ACER2: variants seen among roughly 807,000 people sequenced by gnomAD.
The protein encoded by ACER2 is alkCDase 2.
Under a neutral mutation model 34.7 loss-of-function variants are expected in ACER2, and 26 were observed. The ratio of observed to expected loss-of-function variants is 0.75; its 90% CI spans 0.55 to 1.04. The LOEUF is 1.04. ACER2 is among the 50% of genes least tolerant of loss of function. The pLI, the probability that ACER2 is intolerant of heterozygous loss-of-function variation, is 0.00. For synonymous variants in ACER2, 138 were observed against 132.1 expected, an observed-to-expected ratio of 1.04 and a Z score of -0.31; for missense variants, 352 against 340.8, an observed-to-expected ratio of 1.03 and a Z score of -0.26.
chr9:19,409,708 T>G, intron 1 of ACER2: 1 of 981,818 alleles, frequency 1.0e-6, no homozygotes, highest in Non-Finnish European at 1.2e-6. Context: ...AACATGCCTA[T>G]AATGGTCGAG....
At chr9:19,410,153 T>A (rs1324692705) in intron 1 of ACER2, among the ~76,000 whole-genome samples, 1 of 152,208 alleles carries the variant, frequency 6.6e-6, no homozygotes, top group Non-Finnish European at 1.5e-5. Flanking sequence ...GGACTTTTCC[T>A]TTTGGATTTG....
chr9:19,409,222 C>G (rs1428333928), intron 1 of ACER2, 30 bp downstream of exon 1: 14 of 1,552,492 alleles, frequency 9.0e-6, no homozygotes, highest in Admixed American at 1.9e-5. Flanking sequence ...GGAAGGCAGG[C>G]GGGCCAGCGG....
At chr9:19,428,258 C>T (rs1018433480) in intron 3 of ACER2, among the ~76,000 whole-genome samples, 2 of 151,984 alleles carry the variant, frequency 1.3e-5, no homozygotes, top group African/African-American at 2.4e-5. Flanking sequence ...ACCTCTGCCT[C>T]CCAGGTTCAA....
chr9:19,447,483 G>A lies in ACER2; in HGVS notation c.641+1065G>A, dbSNP rs16937533. 4.7e-3 allele frequency among the ~76,000 whole-genome samples: 710 copies of A among 152,276 alleles called. 9 individuals are homozygous for A. Among genetic ancestry groups the A allele is most frequent in the African/African-American group, 0.016 (662 of 41,546 alleles). ...CACAAGTTGGAGTTTACCGTCTTAG[G>A]ATCCATTGCTCGATATTTTTTAGAT... On this transcript the variant is annotated intron_variant, in intron 5 of 5. Transcript: ENST00000340967.
chr9:19,442,837 CTT>C (rs113229012), intron 4 of ACER2, among the ~76,000 whole-genome samples: 9 of 144,574 alleles, frequency 6.2e-5, no homozygotes, highest in African/African-American at 7.6e-5. Context: ...CCAATAAATA[CTT>C]TTTTTTTTTT....
chr9:19,420,735 C>A (rs1830379343), intron 1 of ACER2, among the ~76,000 whole-genome samples: 1 of 152,140 alleles, frequency 6.6e-6, no homozygotes, highest in Non-Finnish European at 1.5e-5. Flanking sequence ...TCTTACAGTT[C>A]TAGAGGCTGG....
At chr9:19,424,923 C>G in intron 3 of ACER2, 82 bp downstream of exon 3, 1 of 1,532,144 alleles carries the variant, frequency 6.5e-7, no homozygotes, top group Non-Finnish European at 8.9e-7. Context: ...AAAAATAGCA[C>G]ATGATTGAAC....
intron 3 of ACER2, among the ~76,000 whole-genome samples, chr9:19,426,631 A>G (rs1213955013): frequency 6.6e-6 from 1 of 152,168 alleles, no homozygotes; most frequent in Non-Finnish European, 1.5e-5. Flanking sequence ...TCCAAGGGAC[A>G]GTTTTTAATG....
chr9:19,444,947 T>A (rs1831304821), intron 4 of ACER2, among the ~76,000 whole-genome samples: 1 of 152,244 alleles, frequency 6.6e-6, no homozygotes, highest in Admixed American at 6.5e-5. Flanking sequence ...GTCCCACTTT[T>A]ATTGATGCTT....
chr9:19,452,437 G>A lies in ACER2; in HGVS notation c.*1801G>A, dbSNP rs935633138. Among the ~76,000 whole-genome samples, 1 of 152,182 alleles carries A rather than the reference G, an allele frequency of 6.6e-6. No homozygotes were observed. Among genetic ancestry groups the A allele is most frequent in the Non-Finnish European group, 1.5e-5 (1 of 68,032 alleles). ...GTTGAGAAGCAGAACGCTGTTTGTAGTAAGAAATCTTTGTGGAACCCCAGT... is the reference window on the plus strand; with the variant it reads ...GTTGAGAAGCAGAACGCTGTTTGTAATAAGAAATCTTTGTGGAACCCCAGT... On this transcript the variant is annotated 3_prime_UTR_variant, in exon 6 of 6. Transcript: ENST00000340967.
At chr9:19,448,867 G>A (rs1033476713) in intron 5 of ACER2, among the ~76,000 whole-genome samples, 14 of 152,184 alleles carry the variant, frequency 9.2e-5, no homozygotes, top group African/African-American at 3.1e-4. Context: ...TCAGCCGGGC[G>A]TGGTGGCTCA....
chr9:19,421,610 G>A (rs1207809140), intron 1 of ACER2, among the ~76,000 whole-genome samples: 2 of 152,050 alleles, frequency 1.3e-5, no homozygotes, highest in African/African-American at 4.8e-5. Context: ...GAAATGAGGA[G>A]TGACTGCTTA....
intron 1 of ACER2, among the ~76,000 whole-genome samples, 177 bp from the exon 2 acceptor site, chr9:19,423,685 G>A (rs1830476721): frequency 6.6e-6 from 1 of 152,116 alleles, no homozygotes; most frequent in Non-Finnish European, 1.5e-5. Flanking sequence ...TTCCAGCCTG[G>A]GTGACAGAGT....
chr9:19,429,788 C>A lies in ACER2; in HGVS notation c.365+4947C>A, dbSNP rs144260688. ...TTCCTGGATGAGTTGAGGCTGGAAT[C>A]TTAAACTCTCTGGGCCTTAGTGCTT... On this transcript the variant is annotated intron_variant, in intron 3 of 5. Coordinates refer to ENST00000340967, the MANE Select transcript of ACER2 (RefSeq NM_001010887.3). 4.3e-3 allele frequency among the ~76,000 whole-genome samples: 658 copies of A among 152,290 alleles called. 4 individuals are homozygous for A. The highest frequency in any genetic ancestry group is 0.015 in the African/African-American group (634 of 41,564).
intron 5 of ACER2, among the ~76,000 whole-genome samples, chr9:19,449,686 C>A (rs2026627): frequency 0.29 from 44,284 of 151,682 alleles, 6,927 homozygotes; most frequent in Middle Eastern, 0.36. Flanking sequence ...GAGTTCAAGA[C>A]CAGCCTGGCC....
chr9:19,446,349 G>T lies in ACER2; in HGVS notation c.572G>T (p.Cys191Phe). 1 of 1,614,182 alleles carries T rather than the reference G, an allele frequency of 6.2e-7. No homozygotes were observed. Among genetic ancestry groups the T allele is most frequent in the Non-Finnish European group, 8.5e-7 (1 of 1,180,046 alleles). Residue 191 changes from cysteine to phenylalanine, a missense_variant, in exon 5 of 6, where the codon TGC (cysteine) becomes TTC (phenylalanine). Coordinates refer to ENST00000340967, the MANE Select transcript of ACER2 (RefSeq NM_001010887.3). ...SGLWWTLALF[C>F]WISDRAFCEL... ...CTCTGGTGGACCCTGGCCCTGTTCTGCTGGATCAGTGACCGAGCTTTCTGC... is the reference window on the plus strand; with the variant it reads ...CTCTGGTGGACCCTGGCCCTGTTCTTCTGGATCAGTGACCGAGCTTTCTGC...
At chr9:19,446,091 CTG>C (rs1831349217) in intron 4 of ACER2, 188 bp from the exon 5 acceptor site, 3 of 875,390 alleles carry the variant, frequency 3.4e-6, no homozygotes, top group Admixed American at 1.7e-5. Flanking sequence ...GGAAGGGTGT[CTG>C]TGAGCCATCT....
intron 4 of ACER2, among the ~76,000 whole-genome samples, chr9:19,437,848 C>G (rs548153286): frequency 1.3e-5 from 2 of 152,326 alleles, no homozygotes; most frequent in East Asian, 3.9e-4. Context: ...TCTTCCTAAA[C>G]TCTTTGTGCT....
chr9:19,450,199 A>G, intron 5 of ACER2: 2 of 985,368 alleles, frequency 2.0e-6, no homozygotes, highest in Non-Finnish European at 2.4e-6. Flanking sequence ...ATTTATTTGC[A>G]CATTTGTTCC....
Sources: gnomAD v4.1 joint callset for allele counts (sites outside exome capture counted in the v4.1 genomes callset) on GRCh38, gnomAD v4.1.1 for gene constraint, MANE v1.5 for transcripts, NCBI Gene and HGNC (gene_info 2026-07-23, HGNC 2026-07-21) for gene names.